The following CHCHD6 variants were observed in gnomAD, a reference collection of about 807,000 sequenced individuals.
CHCHD6 encodes the protein coiled-coil-helix-coiled-coil-helix domain containing 6.
CHCHD6 carries 28 observed loss-of-function variants against 32.3 expected under a neutral mutation model. That is an observed-to-expected ratio of 0.87 (90% CI 0.64 to 1.19). The LOEUF is 1.19. Ranked by LOEUF, CHCHD6 falls within the 50% of genes most tolerant of loss-of-function variation. The pLI, the probability that CHCHD6 is intolerant of heterozygous loss-of-function variation, is 0.00. For missense variants in CHCHD6, 333 were observed against 307.0 expected (o/e 1.08, Z -0.63); for synonymous variants, 122 against 117.5 (o/e 1.04, Z -0.25).
intron 4 of CHCHD6, chr3:126,780,191 C>A: frequency 3.8e-6 from 1 of 265,112 alleles, no homozygotes; most frequent in Admixed American, 5.1e-5. Flanking sequence ...TGGGTCTAGC[C>A]ATCCAGAATT....
intron 4 of CHCHD6, among the ~76,000 whole-genome samples, chr3:126,797,122 G>GTC (rs1018986332): frequency 1.3e-5 from 2 of 152,172 alleles, no homozygotes; most frequent in Non-Finnish European, 2.9e-5. Flanking sequence ...CTCATTCTGT[G>GTC]TCTCTCTCTG....
At chr3:126,807,954 G>A (rs949300584) in intron 4 of CHCHD6, among the ~76,000 whole-genome samples, 18 of 152,208 alleles carry the variant, frequency 1.2e-4, no homozygotes, top group Non-Finnish European at 7.3e-5. Context: ...CTGTGTTCCA[G>A]TAAAGCTTTA....
At chr3:126,914,564 G>A (rs55752391) in intron 5 of CHCHD6, 116 bp from the exon 6 acceptor site, 16,155 of 715,674 alleles carry the variant, frequency 0.023, 262 homozygotes, top group Middle Eastern at 0.051. Flanking sequence ...ATTACCAGTC[G>A]GCTTTGATGC....
In CHCHD6 at chr3:126,785,136, C is replaced by A. The variant is rs146186150; in HGVS notation, c.411+51914C>A. Among the ~76,000 whole-genome samples, 155 of 152,272 alleles carry A rather than the reference C, an allele frequency of 1.0e-3. 3 individuals carry two copies. In the East Asian group the frequency reaches 0.022, roughly 22 times the overall value. ...AGTTTCTCAGCCTCAGCTCTGGTGA[C>A]ATCTTGGGTTGGATGCTTCTTTGTT... On this transcript the variant is annotated intron_variant, in intron 4 of 7. Transcript: ENST00000290913.
At chr3:126,851,379 A>C (rs1941469632) in intron 4 of CHCHD6, among the ~76,000 whole-genome samples, 1 of 152,224 alleles carries the variant, frequency 6.6e-6, no homozygotes, top group African/African-American at 2.4e-5. Flanking sequence ...AGTGGCTTAA[A>C]AGGAAAAAGC....
chr3:126,767,094 C>G, intron 4 of CHCHD6: 3 of 1,303,954 alleles, frequency 2.3e-6, no homozygotes, highest in Non-Finnish European at 3.3e-6. Context: ...CGTGCCCGGG[C>G]GATGAACTTC....
At chr3:126,824,475 C>T (rs368790877) in intron 4 of CHCHD6, among the ~76,000 whole-genome samples, 1 of 136,124 alleles carries the variant, frequency 7.3e-6, no homozygotes, top group African/African-American at 2.8e-5. Context: ...GCAGGAGAAT[C>T]GCTTGAACCC....
intron 4 of CHCHD6, among the ~76,000 whole-genome samples, chr3:126,822,567 A>G (rs182734132): frequency 5.3e-5 from 8 of 152,286 alleles, no homozygotes; most frequent in Admixed American, 2.0e-4. Context: ...GAAATTTTCT[A>G]TGGATTTTAG....
At chr3:126,830,982 C>T (rs1940614108) in intron 4 of CHCHD6, among the ~76,000 whole-genome samples, 1 of 152,156 alleles carries the variant, frequency 6.6e-6, no homozygotes, top group Admixed American at 6.5e-5. Context: ...GGGGCCGCAC[C>T]CTGTGTGCTT....
At chr3:126,780,705 G>T (rs888621433) in intron 4 of CHCHD6, among the ~76,000 whole-genome samples, 2 of 152,142 alleles carry the variant, frequency 1.3e-5, no homozygotes, top group African/African-American at 2.4e-5. Flanking sequence ...GGATTAATTA[G>T]CAAGGTGTGT....
chr3:126,766,099 G>T (rs962453249), intron 4 of CHCHD6, among the ~76,000 whole-genome samples: 18 of 151,970 alleles, frequency 1.2e-4, no homozygotes, highest in Non-Finnish European at 2.4e-4. Context: ...CTGGAAAGGG[G>T]TGTTTTGGGG....
intron 6 of CHCHD6, among the ~76,000 whole-genome samples, chr3:126,918,201 T>C (rs555806474): frequency 6.6e-6 from 1 of 152,366 alleles, no homozygotes; most frequent in East Asian, 1.9e-4. Flanking sequence ...TTAACAGATA[T>C]TGTAAATTAC....
At chr3:126,806,856 T>C (rs943226313) in intron 4 of CHCHD6, among the ~76,000 whole-genome samples, 1 of 152,006 alleles carries the variant, frequency 6.6e-6, no homozygotes, top group Admixed American at 6.6e-5. Context: ...CACCATGGAA[T>C]ACTATGCAGC....
intron 5 of CHCHD6, among the ~76,000 whole-genome samples, chr3:126,911,783 T>C (rs1304481161): frequency 1.3e-5 from 2 of 152,088 alleles, no homozygotes; most frequent in African/African-American, 4.8e-5. Context: ...AGGCTCTGAG[T>C]GTCTACTGAA....
At chr3:126,730,120 A>T (rs1012400973) in intron 2 of CHCHD6, among the ~76,000 whole-genome samples, 9 of 152,292 alleles carry the variant, frequency 5.9e-5, no homozygotes, top group Admixed American at 5.9e-4. Context: ...TCAGGTGGGT[A>T]CTAAGGGAAA....
chr3:126,724,655 G>T (rs1005229932), intron 1 of CHCHD6, among the ~76,000 whole-genome samples: 1 of 152,274 alleles, frequency 6.6e-6, no homozygotes, highest in Middle Eastern at 3.4e-3. Flanking sequence ...TGTAGCATAC[G>T]ATGCTGTTTG....
chr3:126,912,671 G>A (rs907639815), intron 5 of CHCHD6, among the ~76,000 whole-genome samples: 2 of 152,234 alleles, frequency 1.3e-5, no homozygotes, highest in Admixed American at 6.5e-5. Context: ...TGACTCCCCC[G>A]GCCCAGCCCA....
intron 4 of CHCHD6, among the ~76,000 whole-genome samples, chr3:126,833,165 A>G (rs1940709650): frequency 6.6e-6 from 1 of 152,190 alleles, no homozygotes; most frequent in African/African-American, 2.4e-5. Context: ...ATGCTCATAC[A>G]TATGTCTCTC....
intron 6 of CHCHD6, among the ~76,000 whole-genome samples, chr3:126,921,005 A>G (rs2078238667): frequency 2.0e-5 from 3 of 152,122 alleles, no homozygotes; most frequent in African/African-American, 7.2e-5. Context: ...GCCTTTCACA[A>G]GCTGCTCCAT....
Sources: allele counts gnomAD v4.1 joint callset (sites outside exome capture counted in the v4.1 genomes callset), GRCh38; gene constraint gnomAD v4.1.1; transcripts MANE v1.5; gene names NCBI Gene and HGNC (gene_info 2026-07-23, HGNC 2026-07-21).